The following MDGA2 variants were observed in gnomAD, a reference collection of about 807,000 sequenced individuals.
MDGA2 encodes the protein MAM domain containing glycosylphosphatidylinositol anchor 2.
MDGA2 carries 40 observed loss-of-function variants against 117.8 expected under a neutral mutation model. The ratio of observed to expected loss-of-function variants is 0.34; its 90% CI spans 0.26 to 0.44. The LOEUF is 0.44. Among genes scored for constraint, MDGA2 ranks in the 20% least tolerant of loss-of-function variants. The pLI, the probability that MDGA2 is intolerant of heterozygous loss-of-function variation, is 1.00. For synonymous variants in MDGA2, 452 were observed against 439.0 expected (o/e 1.03, Z -0.37); for missense variants, 1,123 against 1,250.6 (o/e 0.90, Z 1.54).
At chr14:47,170,336 A>G (rs1348092192) in intron 3 of MDGA2, among the ~76,000 whole-genome samples, 1 of 152,192 alleles carries the variant, frequency 6.6e-6, no homozygotes, top group African/African-American at 2.4e-5. Context: ...TAATGAGGAA[A>G]TAAATCATAA....
chr14:46,968,683 A>T (rs1886134030), intron 8 of MDGA2, among the ~76,000 whole-genome samples: 1 of 151,686 alleles, frequency 6.6e-6, no homozygotes, highest in African/African-American at 2.4e-5. Flanking sequence ...AATACAAAAA[A>T]AAAATTAGTT....
chr14:47,117,277 A>G (rs1302363705), intron 5 of MDGA2, among the ~76,000 whole-genome samples: 2 of 152,270 alleles, frequency 1.3e-5, no homozygotes, highest in East Asian at 3.9e-4. Context: ...CAAGGATGTG[A>G]AGAAACTGGA....
chr14:47,372,440 A>G (rs1356306161), intron 1 of MDGA2, among the ~76,000 whole-genome samples: 2 of 151,962 alleles, frequency 1.3e-5, no homozygotes, highest in Non-Finnish European at 2.9e-5. Flanking sequence ...TTCACAGAAG[A>G]GGAAATTTAA....
At chr14:47,097,203 C>A in intron 5 of MDGA2, 80 bp from the exon 6 acceptor site, 1 of 1,459,166 alleles carries the variant, frequency 6.9e-7, no homozygotes. Flanking sequence ...TATATTGGTT[C>A]ATTCAAAAAA....
intron 14 of MDGA2, chr14:46,873,194 T>A: frequency 2.5e-6 from 1 of 400,510 alleles, no homozygotes; most frequent in Non-Finnish European, 4.5e-6. Flanking sequence ...ATTGATTGTC[T>A]ACCTGATTTA....
At chr14:47,307,438 T>C (rs2139830607) in intron 1 of MDGA2, among the ~76,000 whole-genome samples, 1 of 152,264 alleles carries the variant, frequency 6.6e-6, no homozygotes, top group East Asian at 1.9e-4. Flanking sequence ...CCCAGGACTT[T>C]GGGAGTCCGA....
At chr14:47,343,351 A>C in intron 1 of MDGA2, 3 of 768,516 alleles carry the variant, frequency 3.9e-6, no homozygotes, top group Non-Finnish European at 4.8e-6. Context: ...CCCACAGCTC[A>C]AAGGAGGACA....
chr14:47,546,218 G>C (rs1178480459), intron 1 of MDGA2, among the ~76,000 whole-genome samples: 1 of 152,034 alleles, frequency 6.6e-6, no homozygotes, highest in East Asian at 1.9e-4. Flanking sequence ...TAAGCAGAAT[G>C]ATATAGCTTA....
chr14:46,842,139 T>C, intron 16 of MDGA2, 120 bp from the exon 17 acceptor site: 1 of 615,034 alleles, frequency 1.6e-6, no homozygotes, highest in Admixed American at 3.1e-5. Context: ...CTGGAAAATA[T>C]TTATTTTTAT....
chr14:47,204,483 G>C (rs892412554), intron 3 of MDGA2, among the ~76,000 whole-genome samples: 7 of 151,930 alleles, frequency 4.6e-5, no homozygotes, highest in Non-Finnish European at 5.9e-5. Context: ...ATAATAATCA[G>C]TTACTTCATT....
intron 8 of MDGA2, among the ~76,000 whole-genome samples, chr14:47,020,378 A>G (rs1052593466): frequency 1.1e-4 from 16 of 152,230 alleles, no homozygotes; most frequent in African/African-American, 3.1e-4. Flanking sequence ...GGGACCAAAC[A>G]TATTTCATAG....
chr14:46,849,481 A>G (rs1332979059), intron 15 of MDGA2, among the ~76,000 whole-genome samples: 1 of 151,898 alleles, frequency 6.6e-6, no homozygotes, highest in East Asian at 1.9e-4. Context: ...CTCCTAGACT[A>G]AGATCTAGAG....
intron 9 of MDGA2, among the ~76,000 whole-genome samples, chr14:46,941,665 T>C (rs1324904999): frequency 6.6e-6 from 1 of 152,150 alleles, no homozygotes; most frequent in Non-Finnish European, 1.5e-5. Context: ...CTAAATGTGC[T>C]AAGAGGTAAA....
intron 1 of MDGA2, among the ~76,000 whole-genome samples, chr14:47,585,510 G>A (rs1896307608): frequency 6.6e-6 from 1 of 151,712 alleles, no homozygotes. Context: ...ACAAACACAG[G>A]GCTTATAAGA....
rs147556887 is a variant in MDGA2 at position 47,051,546 on chromosome 14, A to G, written c.1525+9703T>C. ...ATTAGGTTCTTTTAAAACTGAAAAG[A>G]TATTTATTGGCAAGCAGATTTGAGG... On this transcript the variant is annotated intron_variant, in intron 7 of 16. Transcript: ENST00000399232. 9.7e-3 allele frequency among the ~76,000 whole-genome samples: 1,479 copies of G among 151,996 alleles called. 31 individuals are homozygous for G. Among genetic ancestry groups the G allele is most frequent in the African/African-American group, 0.034 (1,405 of 41,508 alleles).
intron 1 of MDGA2, among the ~76,000 whole-genome samples, chr14:47,465,655 G>T (rs1026445235): frequency 6.6e-5 from 10 of 152,102 alleles, no homozygotes; most frequent in Admixed American, 6.6e-4. Flanking sequence ...AGTCAGAATG[G>T]CTATTATTAA....
chr14:46,903,329 T>G (rs1316675582), intron 10 of MDGA2, among the ~76,000 whole-genome samples: 4 of 152,196 alleles, frequency 2.6e-5, no homozygotes, highest in Non-Finnish European at 4.4e-5. Context: ...GGTTGTTTCA[T>G]GTCAAGAAGC....
At chr14:47,376,320 T>C (rs1276858049) in intron 1 of MDGA2, among the ~76,000 whole-genome samples, 5 of 152,148 alleles carry the variant, frequency 3.3e-5, no homozygotes, top group Non-Finnish European at 7.4e-5. Context: ...CTATACTTGT[T>C]TTTCTGGAAA....
At chr14:47,533,544 C>T (rs1028998431) in intron 1 of MDGA2, among the ~76,000 whole-genome samples, 3 of 152,180 alleles carry the variant, frequency 2.0e-5, no homozygotes, top group Admixed American at 6.5e-5. Context: ...TCTTTCCACA[C>T]GTATTGTCTG....
Sources: allele counts gnomAD v4.1 joint callset (sites outside exome capture counted in the v4.1 genomes callset), GRCh38; gene constraint gnomAD v4.1.1; transcripts MANE v1.5; gene names NCBI Gene and HGNC (gene_info 2026-07-23, HGNC 2026-07-21).